Variants in CIPC observed in about 807,000 individuals in gnomAD.
The protein encoded by CIPC is CLOCK interacting pacemaker, also known as CLOCK-interacting pacemaker.
In CIPC, 12 loss-of-function variants were observed where a neutral mutation model predicts 26.7. That is an observed-to-expected ratio of 0.45 (90% confidence interval 0.29 to 0.73). CIPC has a LOEUF of 0.73. Among genes scored for constraint, CIPC ranks in the 30% least tolerant of loss-of-function variants. The pLI is 0.12. For missense variants in CIPC, 417 were observed against 486.5 expected (o/e 0.86, Z 1.34); for synonymous variants, 170 against 189.8 (o/e 0.90, Z 0.86).
intron 3 of CIPC, among the ~76,000 whole-genome samples, chr14:77,110,242 G>C (rs1886668520): frequency 6.6e-6 from 1 of 151,982 alleles, no homozygotes; most frequent in African/African-American, 2.4e-5. Context: ...TTCATAGTTT[G>C]TCCAAAGAGA....
Position 77,105,691 on chromosome 14 carries a change from C to G in CIPC, c.-18C>G. On this transcript the variant is annotated 5_prime_UTR_variant, in exon 2 of 4. Transcript: ENST00000361786. ...GATGAAAAGAGTACCAATGAATCTG[C>G]CTCCAGCTGAATAAACCATGGAGAG... The G allele has an allele frequency of 1.2e-6, 2 of 1,611,438 alleles. No homozygotes were observed. The highest frequency in any genetic ancestry group is 2.2e-5 in the East Asian group (1 of 44,840).
intron 3 of CIPC, among the ~76,000 whole-genome samples, chr14:77,111,056 A>C (rs1471609665): frequency 6.6e-5 from 10 of 152,188 alleles, no homozygotes; most frequent in African/African-American, 1.9e-4. Flanking sequence ...GAAAAGAAAG[A>C]ATAGAGACAG....
At chr14:77,113,358 A>G (rs756946822) in intron 3 of CIPC, 67 bp from the exon 4 acceptor site, 1 of 1,572,340 alleles carries the variant, frequency 6.4e-7, no homozygotes, top group Non-Finnish European at 8.7e-7. Context: ...CCCCTTTGAC[A>G]GAAGCTTCAC....
intron 2 of CIPC, among the ~76,000 whole-genome samples, chr14:77,109,243 A>G (rs998330329): frequency 1.3e-5 from 2 of 152,210 alleles, no homozygotes; most frequent in Non-Finnish European, 2.9e-5. Context: ...CCCAACATTT[A>G]TGGTTTTTTA....
chr14:77,113,737 G>A lies in CIPC; in HGVS notation c.619G>A (p.Ala207Thr). 1 of 1,612,758 alleles carries A rather than the reference G, an allele frequency of 6.2e-7. No individual in the cohort carries two copies. The highest frequency in any genetic ancestry group is 1.1e-5 in the South Asian group (1 of 90,932). ...LSSSEPTKAG[A>T]VPSSPSTPAP... ...TTCCAGTGAGCCAACCAAGGCTGGT[G>A]CTGTCCCATCCAGTCCCTCGACGCC... The change falls in exon 4 of 4, where the codon GCT becomes ACT. Residue 207 changes from alanine to threonine, a missense_variant. Coordinates refer to ENST00000361786, the MANE Select transcript of CIPC (RefSeq NM_033426.3).
chr14:77,113,965 T>A lies in CIPC; in HGVS notation c.847T>A (p.Ser283Thr), dbSNP rs138756596. The change falls in exon 4 of 4, where the codon TCA (serine) becomes ACA (threonine). Residue 283 changes from serine to threonine, a missense_variant. Transcript: ENST00000361786. ...LHGLESNSPL[S>T]PLSANYSSPL... ...TGGGTTAGAGAGCAACTCTCCCCTT[T>A]CACCACTGTCCGCTAATTATAGCTC... is the stretch of plus-strand genomic sequence containing the variant. 5.9e-5 allele frequency: 95 copies of A among 1,614,122 alleles called. No homozygotes were observed. Among genetic ancestry groups the A allele is most frequent in the Non-Finnish European group, 8.0e-5 (94 of 1,180,050 alleles).
At position 77,115,533 on chromosome 14, in the gene CIPC, A is replaced by G. The variant is rs1419288438; in HGVS notation, c.*1215A>G. 1 of 152,242 alleles carries G rather than the reference A, an allele frequency of 6.6e-6. No homozygotes were observed. The highest frequency in any genetic ancestry group is 2.4e-5 in the African/African-American group (1 of 41,454). 9.4% of individuals were successfully genotyped at this position (152,242 alleles called of 1,614,324 possible). A position where few individuals can be genotyped will look rare whatever the true frequency, so the allele number is the denominator to read the frequency against. On this transcript the variant is annotated 3_prime_UTR_variant, in exon 4 of 4. Transcript: ENST00000361786. ...TGGAGACCATGACCAGAGTTTCCAG[A>G]TGATACACGTTCTTTTCAGCTTCAT...
In CIPC at chr14:77,109,856, G is replaced by C; in HGVS notation, c.181G>C (p.Glu61Gln). 1 of 1,614,202 alleles carries C rather than the reference G, an allele frequency of 6.2e-7. No homozygotes were observed. The highest frequency in any genetic ancestry group is 8.5e-7 in the Non-Finnish European group (1 of 1,180,026). ...GAGCTCTGCAGAGCAGATGGAGTCC[G>C]AGGACATGCTGAGCGCCTTAGGCTG... Reference protein sequence around the residue: ...CLSSAEQMESEDMLSALGWSR... With the variant: ...CLSSAEQMESQDMLSALGWSR... The change falls in exon 3 of 4, where the codon GAG becomes CAG. Residue 61 changes from glutamate to glutamine, a missense_variant. Glu to Gln is a conservative substitution (Grantham distance 29). Coordinates refer to ENST00000361786, the MANE Select transcript of CIPC (RefSeq NM_033426.3).
chr14:77,113,825 C>A lies in CIPC; in HGVS notation c.707C>A (p.Ala236Glu), dbSNP rs759264037. Residue 236 changes from alanine (A) to glutamate (E), a missense_variant, in exon 4 of 4, where the codon GCA becomes GAA. Physicochemically the swap from Ala to Glu is moderately radical, Grantham distance 107 (BLOSUM62 -1). Transcript: ENST00000361786. ...CTGCAGGGTGTGCCCTCTCTGGTGG[C>A]AGGTGGAAGTCCACAGACTCTTCAG... is the stretch of plus-strand genomic sequence containing the variant. The part of the protein sequence containing the change: ...SALQGVPSLV[A>E]GGSPQTLQPV... The A allele has an allele frequency of 5.0e-6, 8 of 1,614,036 alleles. No homozygotes were observed. In the African/African-American group the frequency reaches 6.7e-5, roughly 13 times the overall value.
chr14:77,114,012 C>T lies in CIPC; in HGVS notation c.894C>T (p.His298=), dbSNP rs748177470. The T allele has an allele frequency of 3.1e-6, 5 of 1,614,238 alleles. No homozygotes were observed. The highest frequency in any genetic ancestry group is 1.7e-5 in the Admixed American group (1 of 60,034). The change falls in exon 4 of 4, where the codon CAC becomes CAT. Residue 298 remains histidine (H), a synonymous_variant. Transcript: ENST00000361786. The part of the protein sequence containing the change: ...NYSSPLWAAE[H]LCRSPDIFSE... Reference sequence around the variant, plus strand: ...GCTCACCTTTATGGGCTGCAGAGCACCTCTGCCGCAGCCCAGATATCTTTT... The same window carrying T: ...GCTCACCTTTATGGGCTGCAGAGCATCTCTGCCGCAGCCCAGATATCTTTT...
At chr14:77,107,516 A>G (rs1378800112) in intron 2 of CIPC, among the ~76,000 whole-genome samples, 2 of 152,094 alleles carry the variant, frequency 1.3e-5, no homozygotes, top group African/African-American at 4.8e-5. Flanking sequence ...AATTTTTCCC[A>G]TTTTAATTAC....
chr14:77,101,468 G>C (rs192582296), intron 1 of CIPC, among the ~76,000 whole-genome samples: 3 of 152,288 alleles, frequency 2.0e-5, no homozygotes, highest in Non-Finnish European at 4.4e-5. Context: ...ATGAAAAATA[G>C]TCAATTTGCC....
At position 77,115,605 on chromosome 14, in the gene CIPC, C is replaced by T. The variant is rs1445880628; in HGVS notation, c.*1287C>T. ...AAATAGTAAAGTTTCAAAATATTCT[C>T]TCAATTTAAAATTTCATCCTCTTGA... On this transcript the variant is annotated 3_prime_UTR_variant, in exon 4 of 4. Coordinates refer to ENST00000361786, the MANE Select transcript of CIPC (RefSeq NM_033426.3). 2 of 151,576 alleles carry T rather than the reference C, an allele frequency of 1.3e-5. No individual in the cohort carries two copies. Among genetic ancestry groups the T allele is most frequent in the South Asian group, 2.1e-4 (1 of 4,816 alleles). The allele number at this position is 151,576 out of a possible 1,614,324, so 9.4% of individuals were successfully genotyped here.
At chr14:77,105,341 G>T (rs1388424942) in intron 1 of CIPC, among the ~76,000 whole-genome samples, 1 of 151,794 alleles carries the variant, frequency 6.6e-6, no homozygotes, top group Non-Finnish European at 1.5e-5. Context: ...CTCCCCTCTG[G>T]TGAGTTCATT....
At chr14:77,112,861 C>A (rs1400471658) in intron 3 of CIPC, among the ~76,000 whole-genome samples, 1 of 152,128 alleles carries the variant, frequency 6.6e-6, no homozygotes, top group African/African-American at 2.4e-5. Context: ...CAGGCGCACA[C>A]CACCAAGCCC....
At chr14:77,106,971 T>C (rs1227434323) in intron 2 of CIPC, among the ~76,000 whole-genome samples, 1 of 152,212 alleles carries the variant, frequency 6.6e-6, no homozygotes, top group Non-Finnish European at 1.5e-5. Flanking sequence ...AAGGCTCACC[T>C]GAGGCATTTG....
chr14:77,106,293 C>T (rs998347086), intron 2 of CIPC, among the ~76,000 whole-genome samples: 1 of 152,172 alleles, frequency 6.6e-6, no homozygotes, highest in East Asian at 1.9e-4. Flanking sequence ...AAAGTAGTTT[C>T]GCTGTGTTTA....
rs182341817 is a variant in CIPC at position 77,116,690 on chromosome 14, T to C, written c.*2372T>C. 6.6e-5 allele frequency: 10 copies of C among 152,296 alleles called. No homozygotes were observed. The East Asian group carries it at 1.9e-3, about 29-fold the overall frequency. 9.4% of individuals were successfully genotyped at this position (152,296 alleles called of 1,614,324 possible). A position where few individuals can be genotyped will look rare whatever the true frequency, so the allele number is the denominator to read the frequency against. On this transcript the variant is annotated 3_prime_UTR_variant, in exon 4 of 4. Transcript: ENST00000361786. ...TAGAAGTCTCTCCAGGCTATTACCA[T>C]GGGCATTTGTTCTCTGTTGGAGCTG...
chr14:77,098,613 T>C (rs997598349), intron 1 of CIPC: 2 of 151,444 alleles, frequency 1.3e-5, no homozygotes, highest in Admixed American at 1.3e-4. Flanking sequence ...AGGAGGCTTG[T>C]GTGAGGGGCA....
Sources: allele counts gnomAD v4.1 joint callset (sites outside exome capture counted in the v4.1 genomes callset), GRCh38; gene constraint gnomAD v4.1.1; transcripts MANE v1.5; gene names NCBI Gene and HGNC (gene_info 2026-07-23, HGNC 2026-07-21).